RXFP1: variants seen among roughly 807,000 people sequenced by gnomAD.
RXFP1 encodes relaxin receptor 1.
RXFP1 carries 73 observed loss-of-function variants against 89.8 expected under a neutral mutation model. The ratio of observed to expected loss-of-function variants is 0.81; its 90% CI spans 0.67 to 0.99. The LOEUF is 0.99. Ranked by LOEUF, RXFP1 falls within the 50% of genes least tolerant of loss-of-function variation. The pLI is 0.00. For synonymous variants in RXFP1, 277 were observed against 305.5 expected (o/e 0.91, Z 0.97); for missense variants, 793 against 895.5 (o/e 0.89, Z 1.46).
intron 17 of RXFP1, among the ~76,000 whole-genome samples, chr4:158,651,125 A>G (rs181658738): frequency 3.3e-5 from 5 of 152,300 alleles, no homozygotes; most frequent in Admixed American, 2.6e-4. Flanking sequence ...CCCTGTCTCA[A>G]AAACAAAAAC....
chr4:158,541,383 G>C (rs201056152), intron 1 of RXFP1, among the ~76,000 whole-genome samples: 4 of 16,568 alleles, frequency 2.4e-4, no homozygotes, highest in Non-Finnish European at 7.9e-4. Flanking sequence ...CACACACACA[G>C]TGTCCAGGGT....
At chr4:158,596,944 A>G (rs1760734660) in intron 3 of RXFP1, among the ~76,000 whole-genome samples, 1 of 152,226 alleles carries the variant, frequency 6.6e-6, no homozygotes, top group Admixed American at 6.5e-5. Flanking sequence ...TAATTACATA[A>G]AAGGAATGAG....
intron 12 of RXFP1, among the ~76,000 whole-genome samples, chr4:158,636,189 G>C (rs1769116401): frequency 6.6e-6 from 1 of 152,020 alleles, no homozygotes; most frequent in African/African-American, 2.4e-5. Context: ...CCAGGAGTTT[G>C]AGTACAGCCT....
chr4:158,633,137 T>G (rs566930096), intron 11 of RXFP1, among the ~76,000 whole-genome samples: 1 of 151,916 alleles, frequency 6.6e-6, no homozygotes, highest in South Asian at 2.1e-4. Flanking sequence ...ACCACTACAC[T>G]CCAGCCTGGG....
intron 2 of RXFP1, among the ~76,000 whole-genome samples, chr4:158,589,956 G>A (rs1759089937): frequency 6.6e-6 from 1 of 152,044 alleles, no homozygotes; most frequent in Non-Finnish European, 1.5e-5. Flanking sequence ...GGAGGCTGAG[G>A]TGAGAGGATC....
intron 1 of RXFP1, among the ~76,000 whole-genome samples, chr4:158,556,916 G>C (rs917969938): frequency 6.6e-6 from 1 of 152,186 alleles, no homozygotes; most frequent in African/African-American, 2.4e-5. Context: ...GAGTAGAACA[G>C]TGGTGACCAG....
At chr4:158,643,539 C>T (rs931363316) in intron 14 of RXFP1, among the ~76,000 whole-genome samples, 6 of 142,366 alleles carry the variant, frequency 4.2e-5, no homozygotes, top group Admixed American at 1.5e-4. Flanking sequence ...GGTGCAATCT[C>T]GGCTCACTGC....
intron 1 of RXFP1, among the ~76,000 whole-genome samples, chr4:158,537,701 T>C (rs922425256): frequency 6.6e-6 from 1 of 152,172 alleles, no homozygotes; most frequent in African/African-American, 2.4e-5. Flanking sequence ...GCATCAGAAA[T>C]AAATGATGGA....
At chr4:158,606,557 G>A (rs1256319438) in intron 5 of RXFP1, among the ~76,000 whole-genome samples, 1 of 151,860 alleles carries the variant, frequency 6.6e-6, no homozygotes, top group Non-Finnish European at 1.5e-5. Flanking sequence ...TACATGATTG[G>A]GCCCACAGCA....
rs1772026496 is a variant in RXFP1 at position 158,648,609 on chromosome 4, G to T, written c.1867G>T (p.Glu623Ter). Residue 623 changes from glutamate (E) to a stop codon, truncating the protein, a stop_gained, in exon 17 of 18, where the codon GAG (glutamate) becomes TAG (stop). Coordinates refer to ENST00000307765, the MANE Select transcript of RXFP1 (RefSeq NM_021634.4). LOFTEE classifies it high-confidence loss of function. ...ATEIRNQVKK[E>*]MILAKRFFFI... ...TGAAATACGGAATCAAGTTAAAAAA[G>T]AGATGATCCTTGCCAAACGTTTTTT... 1 of 1,613,070 alleles carries T rather than the reference G, an allele frequency of 6.2e-7. No individual in the cohort carries two copies. Among genetic ancestry groups the T allele is most frequent in the African/African-American group, 1.3e-5 (1 of 74,900 alleles).
At chr4:158,624,789 G>T (rs61159145) in intron 9 of RXFP1, among the ~76,000 whole-genome samples, 33,640 of 151,780 alleles carry the variant, frequency 0.22, 5,514 homozygotes, top group African/African-American at 0.46. Flanking sequence ...CTCATATACA[G>T]GCCCATAGAA....
intron 14 of RXFP1, among the ~76,000 whole-genome samples, chr4:158,644,663 A>G (rs1365073281): frequency 6.6e-6 from 1 of 152,206 alleles, no homozygotes; most frequent in Admixed American, 6.5e-5. Flanking sequence ...ATTCTAAGAC[A>G]TGTCTAACAC....
intron 9 of RXFP1, among the ~76,000 whole-genome samples, chr4:158,623,217 G>A (rs1385656019): frequency 1.3e-5 from 2 of 151,800 alleles, no homozygotes; most frequent in Non-Finnish European, 2.9e-5. Context: ...TCCACCACTG[G>A]GTCAGGTGCG....
chr4:158,603,866 G>A, intron 4 of RXFP1, among the ~76,000 whole-genome samples: 1 of 147,568 alleles, frequency 6.8e-6, no homozygotes, highest in African/African-American at 2.5e-5. Flanking sequence ...CTCCTGCCTG[G>A]GCCACAGAGT....
chr4:158,579,954 A>C (rs1381043544), intron 2 of RXFP1, among the ~76,000 whole-genome samples: 1 of 152,202 alleles, frequency 6.6e-6, no homozygotes, highest in African/African-American at 2.4e-5. Context: ...TCAGAAACAC[A>C]AAAGTTTATT....
At chr4:158,616,443 A>G (rs1302381732) in intron 8 of RXFP1, among the ~76,000 whole-genome samples, 1 of 151,898 alleles carries the variant, frequency 6.6e-6, no homozygotes, top group Admixed American at 6.6e-5. Context: ...CGAAATAAAT[A>G]AATAAATAAA....
intron 1 of RXFP1, among the ~76,000 whole-genome samples, chr4:158,560,464 C>A (rs913265642): frequency 2.6e-5 from 4 of 152,160 alleles, no homozygotes; most frequent in Non-Finnish European, 4.4e-5. Flanking sequence ...CCAACATGAG[C>A]TTTTTCATGT....
At chr4:158,523,884 GTTTC>G (rs1468382086) in intron 1 of RXFP1, among the ~76,000 whole-genome samples, 1 of 152,144 alleles carries the variant, frequency 6.6e-6, no homozygotes, top group Non-Finnish European at 1.5e-5. Context: ...CATGGTTGTT[GTTTC>G]TTTGTGTGTT....
Position 158,558,191 on chromosome 4 carries a change from A to G in RXFP1, c.50-14507A>G, listed in dbSNP as rs1561007141. 2.0e-5 allele frequency among the ~76,000 whole-genome samples: 3 copies of G among 152,350 alleles called. No homozygotes were observed. The East Asian group carries it at 5.8e-4, about 29-fold the overall frequency. On this transcript the variant is annotated intron_variant, in intron 1 of 17. Coordinates refer to ENST00000307765, the MANE Select transcript of RXFP1 (RefSeq NM_021634.4). ...TAAGTTTACTTTTTAAATAAGCAGG[A>G]AAAATTATTCAAATGAAGCCATCAC...
Sources: allele counts gnomAD v4.1 joint callset (sites outside exome capture counted in the v4.1 genomes callset), GRCh38; gene constraint gnomAD v4.1.1; transcripts MANE v1.5; gene names NCBI Gene and HGNC (gene_info 2026-07-23, HGNC 2026-07-21).